MUSK: variants seen among roughly 807,000 people sequenced by gnomAD.
MUSK encodes muscle, skeletal receptor tyrosine-protein kinase.
MUSK carries 55 observed loss-of-function variants against 88.7 expected under a neutral mutation model. That is an observed-to-expected ratio of 0.62 (90% CI 0.50 to 0.78). MUSK has a LOEUF of 0.78. MUSK is among the 30% of genes least tolerant of loss of function. The pLI is 0.00. For synonymous variants in MUSK, 387 were observed against 391.9 expected (o/e 0.99, Z 0.15); for missense variants, 1,015 against 1,074.3 (o/e 0.94, Z 0.77).
chr9:110,699,407 C>T (rs1358670683), intron 5 of MUSK, among the ~76,000 whole-genome samples: 1 of 152,220 alleles, frequency 6.6e-6, no homozygotes, highest in Non-Finnish European at 1.5e-5. Context: ...ATGTGACATG[C>T]TTAGCACAAT....
chr9:110,719,947 A>G (rs959051593), intron 5 of MUSK, among the ~76,000 whole-genome samples: 2 of 152,120 alleles, frequency 1.3e-5, no homozygotes, highest in Admixed American at 1.3e-4. Flanking sequence ...AACCCTCAAA[A>G]CCATGAAAAT....
chr9:110,747,103 T>G (rs1041604741), intron 6 of MUSK, among the ~76,000 whole-genome samples: 1 of 152,192 alleles, frequency 6.6e-6, no homozygotes, highest in Non-Finnish European at 1.5e-5. Context: ...CTCACAAGTC[T>G]GTGGTTCAAC....
chr9:110,678,724 A>T (rs2042112638), intron 1 of MUSK, among the ~76,000 whole-genome samples: 1 of 152,074 alleles, frequency 6.6e-6, no homozygotes, highest in Non-Finnish European at 1.5e-5. Flanking sequence ...ATCTGTTTTT[A>T]AAATTTATTT....
intron 6 of MUSK, among the ~76,000 whole-genome samples, chr9:110,747,388 T>A (rs2077186393): frequency 6.6e-6 from 1 of 152,218 alleles, no homozygotes; most frequent in Non-Finnish European, 1.5e-5. Flanking sequence ...CGTTAGTTTC[T>A]GCTCATTCAT....
Position 110,728,753 on chromosome 9 carries a change from T to A in MUSK, c.629-5498T>A, listed in dbSNP as rs1023095857. ...TTCTTTCTGCATGGCTTCTTTTTAA[T>A]TGTGTAGCTCTTTTCAATTGTTTAT... is the stretch of plus-strand genomic sequence containing the variant. On this transcript the variant is annotated intron_variant, in intron 5 of 14. Transcript: ENST00000374448. The A allele has an allele frequency of 2.6e-6, 4 of 1,540,350 alleles. No individual in the cohort carries two copies. The African/African-American group carries it at 5.6e-5, about 21-fold the overall frequency.
chr9:110,720,794 A>G (rs930432787), intron 5 of MUSK, among the ~76,000 whole-genome samples: 1 of 152,184 alleles, frequency 6.6e-6, no homozygotes, highest in Non-Finnish European at 1.5e-5. Context: ...ACCAAAAAAG[A>G]AAACTACAGA....
intron 9 of MUSK, among the ~76,000 whole-genome samples, chr9:110,771,361 A>G (rs1419320997): frequency 2.0e-5 from 3 of 151,904 alleles, no homozygotes; most frequent in Non-Finnish European, 4.4e-5. Context: ...AAGTGCTGAG[A>G]TTACAGGCGT....
intron 7 of MUSK, among the ~76,000 whole-genome samples, chr9:110,749,139 A>G (rs2077215815): frequency 6.6e-6 from 1 of 152,242 alleles, no homozygotes; most frequent in South Asian, 2.1e-4. Context: ...ACATGCATTT[A>G]TCAAATACTC....
At chr9:110,785,124 A>G (rs2077832487) in intron 12 of MUSK, 108 bp downstream of exon 12, 1 of 974,386 alleles carries the variant, frequency 1.0e-6, no homozygotes, top group Admixed American at 2.1e-5. Context: ...CTCTCTAAAT[A>G]TATCCGTAGC....
intron 2 of MUSK, among the ~76,000 whole-genome samples, chr9:110,686,673 T>C (rs1466880609): frequency 2.0e-5 from 3 of 152,204 alleles, no homozygotes; most frequent in Non-Finnish European, 4.4e-5. Flanking sequence ...AATTGTTTAA[T>C]GAAAGAATAA....
chr9:110,734,070 T>G (rs1333836443), intron 5 of MUSK, among the ~76,000 whole-genome samples, 181 bp from the exon 6 acceptor site: 2 of 152,030 alleles, frequency 1.3e-5, no homozygotes, highest in Non-Finnish European at 2.9e-5. Flanking sequence ...GTGAGAAATA[T>G]AGGGTTATAA....
At chr9:110,719,996 G>T (rs1422747895) in intron 5 of MUSK, among the ~76,000 whole-genome samples, 1 of 151,998 alleles carries the variant, frequency 6.6e-6, no homozygotes, top group African/African-American at 2.4e-5. Context: ...ATGATTGTTG[G>T]GTCAACAATG....
chr9:110,789,081 G>T (rs2077927392), intron 14 of MUSK, among the ~76,000 whole-genome samples: 1 of 152,212 alleles, frequency 6.6e-6, no homozygotes, highest in Admixed American at 6.5e-5. Context: ...TTTAATCTAA[G>T]TTGGGAAACA....
chr9:110,805,054 A>T lies in MUSK; in HGVS notation c.*4066A>T, dbSNP rs2078145621. On this transcript the variant is annotated 3_prime_UTR_variant, in exon 15 of 15. Coordinates refer to ENST00000374448, the MANE Select transcript of MUSK (RefSeq NM_005592.4). ...AATTTTGATGGTTGAATAGTATTAT[A>T]CAGATTTATCGTAATTGACATAACT... Among the ~76,000 whole-genome samples, 1 of 151,982 alleles carries T rather than the reference A, an allele frequency of 6.6e-6. No individual in the cohort carries two copies. Among genetic ancestry groups the T allele is most frequent in the Non-Finnish European group, 1.5e-5 (1 of 67,828 alleles).
At chr9:110,674,083 A>G (rs1046520289) in intron 1 of MUSK, among the ~76,000 whole-genome samples, 1 of 152,146 alleles carries the variant, frequency 6.6e-6, no homozygotes, top group Non-Finnish European at 1.5e-5. Context: ...CACTGAGAAA[A>G]AAAAAGACGT....
At chr9:110,739,630 C>T (rs2077072497) in intron 6 of MUSK, among the ~76,000 whole-genome samples, 1 of 152,134 alleles carries the variant, frequency 6.6e-6, no homozygotes, top group Non-Finnish European at 1.5e-5. Flanking sequence ...TCTCAGGAGC[C>T]AAAGGCCAGA....
intron 5 of MUSK, among the ~76,000 whole-genome samples, chr9:110,726,009 C>G (rs2076879098): frequency 6.6e-6 from 1 of 151,868 alleles, no homozygotes; most frequent in Non-Finnish European, 1.5e-5. Context: ...ATAACTATAC[C>G]TGAGCTTAAA....
intron 3 of MUSK, among the ~76,000 whole-genome samples, chr9:110,692,886 C>A (rs913090880): frequency 6.6e-6 from 1 of 151,762 alleles, no homozygotes; most frequent in South Asian, 2.1e-4. Context: ...TGGGTTCCAT[C>A]CTTTTATGTT....
Position 110,706,008 on chromosome 9 carries a change from C to T in MUSK, c.628+8542C>T, listed in dbSNP as rs138322986. The T allele has an allele frequency of 1.7e-3, 751 of 452,084 alleles. 6 individuals are homozygous for T. The highest frequency in any genetic ancestry group is 0.014 in the African/African-American group (697 of 49,648). The allele number at this position is 452,084 out of a possible 1,614,324, so 28.0% of individuals were successfully genotyped here. A position where few individuals can be genotyped will look rare whatever the true frequency, so the allele number is the denominator to read the frequency against. ...TCTCATCATTAATCCCTTACAATCA[C>T]AATTGAATAAATTTTAGTTTCTTTG... On this transcript the variant is annotated intron_variant, in intron 5 of 14. Transcript: ENST00000374448.
Sources: allele counts gnomAD v4.1 joint callset (sites outside exome capture counted in the v4.1 genomes callset), GRCh38; gene constraint gnomAD v4.1.1; transcripts MANE v1.5; gene names NCBI Gene and HGNC (gene_info 2026-07-23, HGNC 2026-07-21).